The following USF1 variants were observed in gnomAD, a reference collection of about 807,000 sequenced individuals.
USF1 encodes the protein upstream stimulatory factor 1.
USF1 carries 22 observed loss-of-function variants against 46.3 expected under a neutral mutation model. That is an observed-to-expected ratio of 0.47 (90% confidence interval 0.34 to 0.68). The LOEUF (loss-of-function observed/expected upper bound fraction) is 0.68, where lower values mean the gene tolerates loss of function less well. Ranked by LOEUF, USF1 falls within the 30% of genes least tolerant of loss-of-function variation. USF1 has a pLI of 0.01. For missense variants in USF1, 287 were observed against 399.3 expected, an observed-to-expected ratio of 0.72 and a Z score of 2.40; for synonymous variants, 150 against 147.0, an observed-to-expected ratio of 1.02 and a Z score of -0.15.
In USF1 at chr1:161,042,085, TCTAGTGACCTCCCCAGCCCATACC is replaced by T. The variant is rs778233830; in HGVS notation, c.276+7_276+30del. On this transcript the variant is annotated splice_region_variant and intron_variant, in intron 5 of 10. Coordinates refer to ENST00000368021, the MANE Select transcript of USF1 (RefSeq NM_007122.5). ...CCTTCTTCATCTTACTTCTCAGAAC[TCTAGTGACCTCCCCAGCCCATACC>T]CTGTACCTGGGTCATGGATTGAGTG... 2 of 1,584,504 alleles carry T rather than the reference TCTAGTGACCTCCCCAGCCCATACC, an allele frequency of 1.3e-6. No homozygotes were observed. Among genetic ancestry groups the T allele is most frequent in the Non-Finnish European group, 1.7e-6 (2 of 1,162,668 alleles).
At chr1:161,041,497 A>C in intron 6 of USF1, 86 bp from the exon 7 acceptor site, 1 of 1,506,932 alleles carries the variant, frequency 6.6e-7, no homozygotes, top group Admixed American at 2.0e-5. Flanking sequence ...CCCTCCTCTA[A>C]AAAGAACATG....
In USF1 at chr1:161,042,855, C is replaced by A; in HGVS notation, c.36G>T (p.Glu12Asp). Reference sequence around the variant, plus strand: ...CACCTTCCTGAATCTGCACTGTCCCCTCTTCCGTTTCAGCTGTTTTCTGCT... The same window carrying A: ...CACCTTCCTGAATCTGCACTGTCCCATCTTCCGTTTCAGCTGTTTTCTGCT... The part of the protein sequence containing the change: ...KGQQKTAETE[E>D]GTVQIQEGAV... The change falls in exon 3 of 11, where the codon GAG becomes GAT. Residue 12 changes from glutamate to aspartate, a missense_variant. Physicochemically the swap from Glu to Asp is conservative, Grantham distance 45. Transcript: ENST00000368021. The A allele has an allele frequency of 1.2e-6, 2 of 1,614,204 alleles. No homozygotes were observed. Among genetic ancestry groups the A allele is most frequent in the Non-Finnish European group, 1.7e-6 (2 of 1,180,040 alleles).
chr1:161,042,046 C>CATCCTA, intron 5 of USF1, 70 bp downstream of exon 5: 11 of 1,507,038 alleles, frequency 7.3e-6, no homozygotes, highest in Non-Finnish European at 1.0e-5. Context: ...GCTTCACCCC[C>CATCCTA]ATCCTACTGA....
chr1:161,045,348 C>CA (rs765526374), intron 1 of USF1, among the ~76,000 whole-genome samples: 2 of 152,146 alleles, frequency 1.3e-5, no homozygotes, highest in Non-Finnish European at 2.9e-5. Context: ...CAGAAGGGCC[C>CA]AGTAAGAGCC....
At position 161,041,332 on chromosome 1, in the gene USF1, A is replaced by C. The variant is rs762976478; in HGVS notation, c.552T>G (p.Pro184=). ...SQRSIAPRTH[P]YSPKSEAPRT... ...AAACAAGGGTCACTCACGGGGAATA[A>C]GGGTGAGTCCTAGGGGCAATTGAGC... The change falls in exon 7 of 11, where the codon CCT becomes CCG. Residue 184 remains proline (P), a synonymous_variant. Transcript: ENST00000368021. 6.2e-7 allele frequency: 1 copy of C among 1,612,216 alleles called. No individual in the cohort carries two copies. The highest frequency in any genetic ancestry group is 8.5e-7 in the Non-Finnish European group (1 of 1,179,010).
In USF1 at chr1:161,040,951, A is replaced by C; in HGVS notation, c.561-79T>G. Reference sequence around the variant, plus strand: ...GTTTGGGGTTAAGGAATTATACAAGATTTAGCAGGTATTAGGACCACTTAT... The same window carrying C: ...GTTTGGGGTTAAGGAATTATACAAGCTTTAGCAGGTATTAGGACCACTTAT... On this transcript the variant is annotated intron_variant, in intron 7 of 10. Coordinates refer to ENST00000368021, the MANE Select transcript of USF1 (RefSeq NM_007122.5). The surrounding 1 kb of genome is among the most constrained non-coding windows in gnomAD (Gnocchi z 4.0). 1 of 1,587,862 alleles carries C rather than the reference A, an allele frequency of 6.3e-7. No homozygotes were observed. The highest frequency in any genetic ancestry group is 8.6e-7 in the Non-Finnish European group (1 of 1,161,628).
rs368456852 is a variant in USF1 at position 161,040,176 on chromosome 1, G to A, written c.843+26C>T. ...GTCAGTGGCTAGCAGAACTGAGAAG[G>A]GCTGCACTGGGGGTAGGAGTCTGAC... On this transcript the variant is annotated intron_variant, in intron 10 of 10. Transcript: ENST00000368021. This position sits in a 1 kb window ranked among gnomAD's most constrained non-coding sequence, Gnocchi z 4.0. The A allele has an allele frequency of 1.0e-4, 167 of 1,613,476 alleles. No individual in the cohort carries two copies. The highest frequency in any genetic ancestry group is 1.3e-4 in the Non-Finnish European group (159 of 1,179,794).
At position 161,040,842 on chromosome 1, in the gene USF1, ATCCCGAGTCG is replaced by A; in HGVS notation, c.581_590del (p.Thr194MetfsTer29). On this transcript the variant is annotated frameshift_variant, in exon 8 of 11. Transcript: ENST00000368021. LOFTEE classifies it high-confidence loss of function. The surrounding 1 kb of genome is among the most constrained non-coding windows in gnomAD (Gnocchi z 4.0). ...CATTATGCTGAGCCCTGCGTTTCTC[ATCCCGAGTCG>A]TCCGGGGAGCTTCTGACTTCCTGAC... 1 of 1,613,968 alleles carries A rather than the reference ATCCCGAGTCG, an allele frequency of 6.2e-7. No homozygotes were observed. The highest frequency in any genetic ancestry group is 8.5e-7 in the Non-Finnish European group (1 of 1,179,974).
Position 161,041,781 on chromosome 1 carries a change from C to G in USF1, c.342G>C (p.Thr114=). The change falls in exon 6 of 11, where the codon ACG becomes ACC. Residue 114 remains threonine (T), a synonymous_variant. Coordinates refer to ENST00000368021, the MANE Select transcript of USF1 (RefSeq NM_007122.5). ...CCGTGCTGGGGAAGTAAGTATAGTG[C>G]GTCTCAGCAGCTGTCCCCTCCGTGT... ...AVDTEGTAAE[T]HYTYFPSTAV... is the part of the protein sequence containing the mutation. 1 of 1,614,074 alleles carries G rather than the reference C, an allele frequency of 6.2e-7. No homozygotes were observed. Among genetic ancestry groups the G allele is most frequent in the South Asian group, 1.1e-5 (1 of 91,082 alleles).
At chr1:161,041,143 T>G (rs931745892) in intron 7 of USF1, among the ~76,000 whole-genome samples, 181 bp downstream of exon 7, 1 of 151,508 alleles carries the variant, frequency 6.6e-6, no homozygotes, top group African/African-American at 2.4e-5. Flanking sequence ...ATGTCTGTAG[T>G]TCCAGCTACT....
In USF1 at chr1:161,039,916, A is replaced by G. The variant is rs200506802; in HGVS notation, c.*4T>C. The G allele has an allele frequency of 9.9e-6, 16 of 1,614,132 alleles. No individual in the cohort carries two copies. The East Asian group carries it at 3.6e-4, about 36-fold the overall frequency. ...TTGGGCCCAAAGCCCCTGAATCCCCATAGTTAGTTGCTGTCATTCTTGATG... is the reference window on the plus strand; with the variant it reads ...TTGGGCCCAAAGCCCCTGAATCCCCGTAGTTAGTTGCTGTCATTCTTGATG... On this transcript the variant is annotated 3_prime_UTR_variant, in exon 11 of 11. Coordinates refer to ENST00000368021, the MANE Select transcript of USF1 (RefSeq NM_007122.5).
chr1:161,041,540 G>A (rs1650562650), intron 6 of USF1, 111 bp downstream of exon 6: 3 of 1,480,272 alleles, frequency 2.0e-6, no homozygotes, highest in Non-Finnish European at 2.8e-6. Context: ...CTCACTGCCT[G>A]TCCAGGTCTT....
In USF1 at chr1:161,040,548, C is replaced by T; in HGVS notation, c.714+28G>A. ...TACCAGGAGGCAGAATTCAGGCATC[C>T]TGCCCACTACCAGGGTCTTTCCATG... On this transcript the variant is annotated intron_variant, in intron 9 of 10. Coordinates refer to ENST00000368021, the MANE Select transcript of USF1 (RefSeq NM_007122.5). This position sits in a 1 kb window ranked among gnomAD's most constrained non-coding sequence, Gnocchi z 4.0. 2 of 1,605,344 alleles carry T rather than the reference C, an allele frequency of 1.2e-6. No homozygotes were observed. The highest frequency in any genetic ancestry group is 1.7e-6 in the Non-Finnish European group (2 of 1,176,040).
chr1:161,042,901 C>A lies in USF1; in HGVS notation c.9-19G>T, dbSNP rs763898918. ...CTGCTGCCTGTTTGTGGTGAAAGGA[C>A]AAAAGGAAGAGTATGAGAAGAAGTC... On this transcript the variant is annotated intron_variant, in intron 2 of 10. Transcript: ENST00000368021. 1 of 1,614,096 alleles carries A rather than the reference C, an allele frequency of 6.2e-7. No individual in the cohort carries two copies. Among genetic ancestry groups the A allele is most frequent in the Non-Finnish European group, 8.5e-7 (1 of 1,180,018 alleles).
At chr1:161,041,559 C>A in intron 6 of USF1, 92 bp downstream of exon 6, 1 of 1,513,456 alleles carries the variant, frequency 6.6e-7, no homozygotes, top group South Asian at 1.2e-5. Flanking sequence ...TTAATGATCA[C>A]TAAGAGTCAT....
In USF1 at chr1:161,044,499, C is replaced by T. The variant is rs193157999; in HGVS notation, c.-85-1139G>A. On this transcript the variant is annotated intron_variant, in intron 1 of 10. Coordinates refer to ENST00000368021, the MANE Select transcript of USF1 (RefSeq NM_007122.5). ...ACAAAGACTAGACTTGGCATTTGGG[C>T]CCCATTCTACTGACAGGACTCTTGT... 7.9e-4 allele frequency among the ~76,000 whole-genome samples: 121 copies of T among 152,270 alleles called. 1 individual carries two copies. The highest frequency in any genetic ancestry group is 2.8e-3 in the African/African-American group (115 of 41,552).
chr1:161,040,149 G>C lies in USF1; in HGVS notation c.843+53C>G. On this transcript the variant is annotated intron_variant, in intron 10 of 10. Transcript: ENST00000368021. This position sits in a 1 kb window ranked among gnomAD's most constrained non-coding sequence, Gnocchi z 4.0. The stretch of plus-strand genomic sequence containing the variant: ...AGAACAAAGTAGAGGGTGTCAAACT[G>C]GGTCAGTGGCTAGCAGAACTGAGAA... 1 of 1,611,220 alleles carries C rather than the reference G, an allele frequency of 6.2e-7. No individual in the cohort carries two copies.
chr1:161,041,575 A>G (rs1650565173), intron 6 of USF1, 76 bp downstream of exon 6: 2 of 1,541,626 alleles, frequency 1.3e-6, no homozygotes, highest in Admixed American at 3.7e-5. Flanking sequence ...GTCATGAGTG[A>G]AGGCTCACTG....
At chr1:161,043,144 C>T (rs751388575) in intron 2 of USF1, 124 bp downstream of exon 2, 2 of 1,539,616 alleles carry the variant, frequency 1.3e-6, no homozygotes, top group Non-Finnish European at 1.8e-6. Context: ...CCAAATCACA[C>T]AGTAAGTGAT....
Sources: allele counts gnomAD v4.1 joint callset (sites outside exome capture counted in the v4.1 genomes callset), GRCh38; gene constraint gnomAD v4.1.1; non-coding constraint Gnocchi (gnomAD v3.1); transcripts MANE v1.5; gene names NCBI Gene and HGNC (gene_info 2026-07-23, HGNC 2026-07-21).